The following PRR5 variants were observed in gnomAD, a reference collection of about 807,000 sequenced individuals.
PRR5 encodes the protein proline rich 5, also known as proline-rich protein 5.
A neutral mutation model predicts 30.6 loss-of-function variants in PRR5; 25 were observed. That is an observed-to-expected ratio of 0.82 (90% CI 0.60 to 1.14). The LOEUF (loss-of-function observed/expected upper bound fraction) is 1.14, where lower values mean the gene tolerates loss of function less well. Among genes scored for constraint, PRR5 ranks in the 50% most tolerant of loss-of-function variants. The pLI is 0.00. For synonymous variants in PRR5, 286 were observed against 247.1 expected (o/e 1.16, Z -1.48); for missense variants, 600 against 547.1 (o/e 1.10, Z -0.96).
intron 7 of PRR5, among the ~76,000 whole-genome samples, chr22:44,735,891 C>T (rs1923144885): frequency 6.6e-6 from 1 of 152,182 alleles, no homozygotes; most frequent in Non-Finnish European, 1.5e-5. Flanking sequence ...CAGGCAGTGC[C>T]CTGGCTGCTG....
At chr22:44,711,362 A>G (rs1928208165) in intron 1 of PRR5, among the ~76,000 whole-genome samples, 1 of 152,144 alleles carries the variant, frequency 6.6e-6, no homozygotes, top group Non-Finnish European at 1.5e-5. Context: ...CCCGGGGCAG[A>G]AAGAAGCCAG....
intron 1 of PRR5, among the ~76,000 whole-genome samples, chr22:44,680,666 C>T (rs1199159289): frequency 6.6e-6 from 1 of 152,172 alleles, no homozygotes; most frequent in Admixed American, 6.5e-5. Flanking sequence ...TGGGCTGGGA[C>T]GTCTCTCTGA....
chr22:44,719,296 T>G (rs1929576369), intron 2 of PRR5, among the ~76,000 whole-genome samples: 2 of 152,198 alleles, frequency 1.3e-5, no homozygotes, highest in South Asian at 4.1e-4. Flanking sequence ...TTGCCCAAGC[T>G]GGTCTCAAAC....
At chr22:44,675,762 G>GTTGTTA (rs1555894616), upstream of PRR5, among the ~76,000 whole-genome samples, 789 of 142,958 alleles carry the variant, frequency 5.5e-3, 4 homozygotes, top group African/African-American at 0.013. Context: ...TGTTGCTGTT[G>GTTGTTA]TTATTATTAT....
In PRR5 at chr22:44,725,308, T is replaced by A. The variant is rs751523837; in HGVS notation, c.264+16T>A. ...GTACCTGCAGGTAGGTGGGTCTTGC[T>A]CCAGCCAGGCTGGGCCTGCCTCATG... On this transcript the variant is annotated intron_variant, in intron 3 of 7. Transcript: ENST00000336985. The A allele has an allele frequency of 6.2e-7, 1 of 1,612,454 alleles. No homozygotes were observed. Among genetic ancestry groups the A allele is most frequent in the African/African-American group, 1.3e-5 (1 of 74,924 alleles).
At chr22:44,732,800 A>G (rs201633342) in intron 6 of PRR5, among the ~76,000 whole-genome samples, 2 of 108,374 alleles carry the variant, frequency 1.8e-5, no homozygotes, top group African/African-American at 9.3e-5. Flanking sequence ...CTACATGTGC[A>G]CACGCATACA....
chr22:44,726,546 G>T, intron 3 of PRR5, 31 bp from the exon 4 acceptor site: 1 of 1,613,816 alleles, frequency 6.2e-7, no homozygotes, highest in Non-Finnish European at 8.5e-7. Context: ...ATCCACAAGG[G>T]CGGTGACAGC....
chr22:44,706,096 G>A (rs562412300), intron 1 of PRR5, among the ~76,000 whole-genome samples: 39 of 152,224 alleles, frequency 2.6e-4, no homozygotes, highest in Non-Finnish European at 5.3e-4. Context: ...CACCACACCA[G>A]GCTCCCTCCC....
intron 1 of PRR5, among the ~76,000 whole-genome samples, chr22:44,682,679 G>T (rs1032905019): frequency 2.6e-5 from 4 of 152,254 alleles, no homozygotes; most frequent in Non-Finnish European, 5.9e-5. Context: ...AAAGGAGGCT[G>T]CAGATGGCTC....
chr22:44,672,454 C>A (rs1296326720), upstream of PRR5, among the ~76,000 whole-genome samples: 1 of 152,078 alleles, frequency 6.6e-6, no homozygotes, highest in Non-Finnish European at 1.5e-5. Context: ...CGTGGTGGCA[C>A]ACACCTGTAG....
intron 6 of PRR5, among the ~76,000 whole-genome samples, chr22:44,733,277 A>G (rs115013039): frequency 0.048 from 7,262 of 152,276 alleles, 247 homozygotes; most frequent in Admixed American, 0.084. Context: ...CCGGCTCATC[A>G]CACTGTCGCA....
chr22:44,732,164 T>C lies in PRR5; in HGVS notation c.415-87T>C, dbSNP rs1378590171. Reference sequence around the variant, plus strand: ...GGGGCCTGAGGGTCGGCAGGTCTCTTCCCCCTGTGGGGTCCCAGGACCGGG... The same window carrying C: ...GGGGCCTGAGGGTCGGCAGGTCTCTCCCCCCTGTGGGGTCCCAGGACCGGG... On this transcript the variant is annotated intron_variant, in intron 5 of 7. Transcript: ENST00000336985. The C allele has an allele frequency of 2.6e-6, 4 of 1,564,266 alleles. No individual in the cohort carries two copies. In the East Asian group the frequency reaches 9.0e-5, roughly 35 times the overall value.
At chr22:44,669,716 G>A (rs557780530) in intron 1 of PRR5, among the ~76,000 whole-genome samples, 106 of 152,278 alleles carry the variant, frequency 7.0e-4, no homozygotes, top group African/African-American at 2.4e-3. Flanking sequence ...TCCTCCAAGC[G>A]GCCTCCACTT....
chr22:44,736,675 C>T (rs1923317182), intron 7 of PRR5, 97 bp from the exon 8 acceptor site: 1 of 1,480,044 alleles, frequency 6.8e-7, no homozygotes, highest in Non-Finnish European at 8.9e-7. Context: ...CTGCAGCTGC[C>T]CCTGCACAGG....
intron 1 of PRR5, among the ~76,000 whole-genome samples, chr22:44,671,854 T>C (rs902887613): frequency 6.6e-6 from 1 of 152,220 alleles, no homozygotes; most frequent in Admixed American, 6.5e-5. Flanking sequence ...TGTAGGCTGC[T>C]GTGAGAGTTA....
chr22:44,677,782 C>T (rs1923895600), intron 1 of PRR5, among the ~76,000 whole-genome samples: 1 of 152,184 alleles, frequency 6.6e-6, no homozygotes. Context: ...CCTCTCTGAG[C>T]CTCGGTCTCT....
chr22:44,730,433 G>T, intron 4 of PRR5: 2 of 985,418 alleles, frequency 2.0e-6, no homozygotes, highest in Non-Finnish European at 1.2e-6. Context: ...GCTCAGTCCA[G>T]GCAGAAAGGC....
intron 3 of PRR5, 32 bp downstream of exon 3, chr22:44,725,324 C>G: frequency 6.2e-7 from 1 of 1,611,066 alleles, no homozygotes; most frequent in Non-Finnish European, 8.5e-7. Context: ...CAGGCTGGGC[C>G]TGCCTCATGA....
intron 2 of PRR5, among the ~76,000 whole-genome samples, chr22:44,724,786 G>T (rs992803215): frequency 1.4e-4 from 22 of 152,224 alleles, no homozygotes; most frequent in East Asian, 5.8e-4. Flanking sequence ...GGCTGGGTTG[G>T]TGAAGACTGA....
Sources: allele counts gnomAD v4.1 joint callset (sites outside exome capture counted in the v4.1 genomes callset), GRCh38; gene constraint gnomAD v4.1.1; transcripts MANE v1.5; gene names NCBI Gene and HGNC (gene_info 2026-07-23, HGNC 2026-07-21).